CALCOCO2: variants seen among roughly 807,000 people sequenced by gnomAD.
CALCOCO2 encodes the protein calcium-binding and coiled-coil domain-containing protein 2.
In CALCOCO2, 42 loss-of-function variants were observed where a neutral mutation model predicts 62.5. The observed-to-expected ratio is 0.67, with a 90% CI of 0.53 to 0.87. CALCOCO2 has a LOEUF of 0.87. Ranked by LOEUF, CALCOCO2 falls within the 40% of genes least tolerant of loss-of-function variation. The pLI, the probability that CALCOCO2 is intolerant of heterozygous loss-of-function variation, is 0.00. For missense variants in CALCOCO2, 456 were observed against 515.0 expected (o/e 0.89, Z 1.11); for synonymous variants, 167 against 173.0 (o/e 0.97, Z 0.27).
intron 1 of CALCOCO2, chr17:48,831,781 A>G (rs2039817462): frequency 6.6e-6 from 1 of 152,226 alleles, no homozygotes; most frequent in African/African-American, 2.4e-5. Flanking sequence ...TTCACATGCA[A>G]GCCAACAAGT....
chr17:48,856,798 TTTG>T (rs1190089564), intron 10 of CALCOCO2, among the ~76,000 whole-genome samples: 2 of 151,882 alleles, frequency 1.3e-5, no homozygotes, highest in East Asian at 1.9e-4. Flanking sequence ...TTTTTCTTTT[TTTG>T]TTGTTGTTGT....
chr17:48,844,879 C>G (rs1301121061), intron 2 of CALCOCO2, among the ~76,000 whole-genome samples: 1 of 152,154 alleles, frequency 6.6e-6, no homozygotes. Context: ...GTGGCTCACG[C>G]CTGTAATCCC....
chr17:48,861,626 C>CAT (rs751145715), intron 11 of CALCOCO2, among the ~76,000 whole-genome samples: 20 of 112,664 alleles, frequency 1.8e-4, no homozygotes, highest in South Asian at 1.7e-3. Flanking sequence ...GACTGTATAA[C>CAT]ATATATATAT....
intron 11 of CALCOCO2, 140 bp from the exon 12 acceptor site, chr17:48,862,136 A>C: frequency 1.4e-6 from 1 of 723,684 alleles, no homozygotes; most frequent in Non-Finnish European, 2.5e-6. Context: ...AAGTAACGGT[A>C]TATATATGAG....
intron 5 of CALCOCO2, among the ~76,000 whole-genome samples, chr17:48,850,521 T>C (rs1385019471): frequency 6.6e-6 from 1 of 152,110 alleles, no homozygotes; most frequent in East Asian, 1.9e-4. Flanking sequence ...AATTAGTCTG[T>C]TTCTTTTTAC....
At chr17:48,841,275 G>T (rs2039971386) in intron 1 of CALCOCO2, among the ~76,000 whole-genome samples, 1 of 152,280 alleles carries the variant, frequency 6.6e-6, no homozygotes, top group South Asian at 2.1e-4. Flanking sequence ...GGATAAATGG[G>T]ATTGAATATA....
chr17:48,856,385 ATTTG>A (rs2143654251), intron 10 of CALCOCO2, 198 bp downstream of exon 10: 1 of 508,358 alleles, frequency 2.0e-6, no homozygotes, highest in African/African-American at 1.9e-5. Flanking sequence ...TACAACTGAA[ATTTG>A]TTTGGCATGG....
At chr17:48,852,369 T>G in intron 7 of CALCOCO2, 137 bp from the exon 8 acceptor site, 1 of 679,964 alleles carries the variant, frequency 1.5e-6, no homozygotes, top group Non-Finnish European at 2.5e-6. Flanking sequence ...TAAAGAGTGA[T>G]TTGTCTAATT....
At chr17:48,857,998 A>AGAATGGAATG (rs2040249758) in intron 10 of CALCOCO2, among the ~76,000 whole-genome samples, 3 of 22,544 alleles carry the variant, frequency 1.3e-4, no homozygotes, top group African/African-American at 2.0e-4. Context: ...AGAATAGAAT[A>AGAATGGAATG]GAATAGAATA....
In CALCOCO2 at chr17:48,863,691, A is replaced by G. The variant is rs2143692109; in HGVS notation, c.*686A>G. 1 of 152,486 alleles carries G rather than the reference A, an allele frequency of 6.6e-6. No homozygotes were observed. The highest frequency in any genetic ancestry group is 1.5e-5 in the Non-Finnish European group (1 of 68,224). 9.4% of individuals were successfully genotyped at this position (152,486 alleles called of 1,614,324 possible). A position where few individuals can be genotyped will look rare whatever the true frequency, so the allele number is the denominator to read the frequency against. ...CTATGTACATAGCTTTTATTGTTGT[A>G]AATCCTTTCTTAATGGTTAAATAGG... On this transcript the variant is annotated 3_prime_UTR_variant, in exon 13 of 13. Coordinates refer to ENST00000258947, the MANE Select transcript of CALCOCO2 (RefSeq NM_005831.5).
At chr17:48,861,659 GTGTATA>G (rs1404590540) in intron 11 of CALCOCO2, among the ~76,000 whole-genome samples, 3 of 135,238 alleles carry the variant, frequency 2.2e-5, no homozygotes, top group African/African-American at 9.4e-5. Context: ...ATATGTGTGT[GTGTATA>G]TATATATATA....
intron 2 of CALCOCO2, among the ~76,000 whole-genome samples, chr17:48,846,274 T>G (rs2040052371): frequency 6.6e-6 from 1 of 152,114 alleles, no homozygotes; most frequent in South Asian, 2.1e-4. Flanking sequence ...TAACTGGGAT[T>G]ATAGGCATGC....
Position 48,852,621 on chromosome 17 carries a change from C to T in CALCOCO2, c.818C>T (p.Thr273Ile), listed in dbSNP as rs1021498782. ...KENDHLFLSLTEQRKDQKKLE... is the reference protein window; with the variant it reads ...KENDHLFLSLIEQRKDQKKLE... ...AATGACCACCTCTTTCTCAGTTTAA[C>T]TGAACAGGTAGAGTCATGAGAGAAA... Residue 273 changes from threonine (T) to isoleucine (I), a missense_variant, in exon 8 of 13, where the codon ACT becomes ATT. By Grantham distance (89) the Thr-to-Ile change is moderately conservative. Coordinates refer to ENST00000258947, the MANE Select transcript of CALCOCO2 (RefSeq NM_005831.5). The T allele has an allele frequency of 6.2e-7, 1 of 1,613,572 alleles. No individual in the cohort carries two copies. The highest frequency in any genetic ancestry group is 8.5e-7 in the Non-Finnish European group (1 of 1,179,594).
At chr17:48,846,518 G>C in intron 2 of CALCOCO2, 1 of 1,396,728 alleles carries the variant, frequency 7.2e-7, no homozygotes, top group Non-Finnish European at 9.8e-7. Context: ...ATTGCAGGTG[G>C]CTAGAAGTTG....
At chr17:48,857,023 A>G (rs1156745194) in intron 10 of CALCOCO2, among the ~76,000 whole-genome samples, 1 of 151,592 alleles carries the variant, frequency 6.6e-6, no homozygotes, top group Non-Finnish European at 1.5e-5. Context: ...GCTGCTCTCA[A>G]ACTCCTGGGC....
At chr17:48,835,786 G>A (rs1414610830) in intron 1 of CALCOCO2, among the ~76,000 whole-genome samples, 3 of 149,848 alleles carry the variant, frequency 2.0e-5, no homozygotes, top group Non-Finnish European at 4.4e-5. Context: ...TTTTGCTCTT[G>A]TTGCCCAGGC....
chr17:48,856,269 A>T (rs2040214023), intron 10 of CALCOCO2, 82 bp downstream of exon 10: 6 of 742,102 alleles, frequency 8.1e-6, no homozygotes, highest in South Asian at 5.2e-5. Context: ...TGAAAAAAAT[A>T]AAAAGTTAAG....
At position 48,852,913 on chromosome 17, in the gene CALCOCO2, T is replaced by A. The variant is rs2040154757; in HGVS notation, c.826-13T>A. 1 of 1,602,742 alleles carries A rather than the reference T, an allele frequency of 6.2e-7. No homozygotes were observed. The highest frequency in any genetic ancestry group is 8.5e-7 in the Non-Finnish European group (1 of 1,169,856). ...TTTTCCCAGCAATGGTACTGAAATC[T>A]CTTTTTGTGCAGAGGAAGGACCAGA... On this transcript the variant is annotated splice_polypyrimidine_tract_variant and intron_variant, in intron 8 of 12. Transcript: ENST00000258947.
intron 4 of CALCOCO2, 91 bp from the exon 5 acceptor site, chr17:48,849,161 A>T: frequency 1.6e-6 from 2 of 1,229,480 alleles, no homozygotes; most frequent in Non-Finnish European, 2.4e-6. Flanking sequence ...ACTGCAGTGA[A>T]TGGGAATCAG....
Sources: allele counts gnomAD v4.1 joint callset (sites outside exome capture counted in the v4.1 genomes callset), GRCh38; gene constraint gnomAD v4.1.1; transcripts MANE v1.5; gene names NCBI Gene and HGNC (gene_info 2026-07-23, HGNC 2026-07-21).